CNBD1: variants seen among roughly 807,000 people sequenced by gnomAD.
CNBD1 encodes cyclic nucleotide-binding domain-containing protein 1.
CNBD1 carries 71 observed loss-of-function variants against 54.4 expected under a neutral mutation model. The ratio of observed to expected loss-of-function variants is 1.30; its 90% confidence interval spans 1.08 to 1.59. The LOEUF (loss-of-function observed/expected upper bound fraction) is 1.59. Among genes scored for constraint, CNBD1 ranks in the 40% most tolerant of loss-of-function variants. CNBD1 has a pLI of 0.00. For synonymous variants in CNBD1, 182 were observed against 170.7 expected, an observed-to-expected ratio of 1.07 and a Z score of -0.51; for missense variants, 659 against 518.0, an observed-to-expected ratio of 1.27 and a Z score of -2.64.
intron 4 of CNBD1, among the ~76,000 whole-genome samples, chr8:87,077,453 C>A (rs1456216754): frequency 1.4e-5 from 2 of 145,674 alleles, no homozygotes; most frequent in Non-Finnish European, 3.0e-5. Flanking sequence ...GTTCAATGTG[C>A]ACAATGTGCA....
chr8:87,325,374 C>G lies in CNBD1; in HGVS notation c.1043-26311C>G, dbSNP rs1427578601. Among the ~76,000 whole-genome samples, 12 of 90,348 alleles carry G rather than the reference C, an allele frequency of 1.3e-4. 3 individuals are homozygous for G. The highest frequency in any genetic ancestry group is 4.5e-4 in the East Asian group (2 of 4,492). The allele number at this position is 90,348 out of a possible 152,430, so 59.3% of individuals were successfully genotyped here. A position where few individuals can be genotyped will look rare whatever the true frequency, so the allele number is the denominator to read the frequency against. ...GGGTATCCTTGTTGACTTTCTGTCT[C>G]GTTGATCTGTCTAATGTTGACAGTG... is the stretch of plus-strand genomic sequence containing the variant. On this transcript the variant is annotated intron_variant, in intron 8 of 10. Transcript: ENST00000518476.
intron 8 of CNBD1, among the ~76,000 whole-genome samples, chr8:87,347,772 C>T (rs909246737): frequency 3.3e-5 from 5 of 151,934 alleles, no homozygotes; most frequent in Non-Finnish European, 7.4e-5. Flanking sequence ...TCTTACATTG[C>T]CTGCTGAGAA....
At chr8:87,385,586 GC>G (rs1811166325), downstream of CNBD1, among the ~76,000 whole-genome samples, 1 of 152,100 alleles carries the variant, frequency 6.6e-6, no homozygotes, top group Non-Finnish European at 1.5e-5. Flanking sequence ...GCCCACCGTT[GC>G]CGAGGCTTGA....
At chr8:87,227,253 A>G (rs1433038437) in intron 5 of CNBD1, among the ~76,000 whole-genome samples, 1 of 149,338 alleles carries the variant, frequency 6.7e-6, no homozygotes, top group Non-Finnish European at 1.5e-5. Context: ...TAAAGTTAAT[A>G]GTGTTATGTG....
At chr8:87,194,475 T>G (rs1389272700) in intron 4 of CNBD1, among the ~76,000 whole-genome samples, 1 of 152,208 alleles carries the variant, frequency 6.6e-6, no homozygotes, top group African/African-American at 2.4e-5. Context: ...TTCTTAATTA[T>G]GTAACCAAAT....
At chr8:87,259,348 A>G (rs571801588) in intron 6 of CNBD1, among the ~76,000 whole-genome samples, 1 of 152,320 alleles carries the variant, frequency 6.6e-6, no homozygotes, top group East Asian at 1.9e-4. Context: ...TTTAGAATTT[A>G]ATGTCTCCAA....
intron 10 of CNBD1, 180 bp downstream of exon 10, chr8:87,353,966 G>T (rs1810363164): frequency 4.3e-6 from 2 of 470,068 alleles, no homozygotes; most frequent in Non-Finnish European, 3.8e-6. Context: ...TTTGAAAAGG[G>T]CACATGTTTG....
At chr8:87,137,136 TTA>T (rs1191939890) in intron 4 of CNBD1, among the ~76,000 whole-genome samples, 1 of 135,724 alleles carries the variant, frequency 7.4e-6, no homozygotes. Context: ...TATATATAAA[TTA>T]TATATATATT....
At chr8:86,919,029 T>A (rs919262386) in intron 3 of CNBD1, among the ~76,000 whole-genome samples, 66 of 151,780 alleles carry the variant, frequency 4.3e-4, no homozygotes, top group African/African-American at 1.5e-3. Flanking sequence ...GCTTTTTTTT[T>A]TAAAAAAAAA....
downstream of CNBD1, among the ~76,000 whole-genome samples, chr8:87,386,426 G>A (rs1811191004): frequency 1.3e-5 from 2 of 152,194 alleles, no homozygotes; most frequent in Admixed American, 1.3e-4. Context: ...TAAAGGACCT[G>A]ATGGAGCTGA....
chr8:87,410,034 G>C (rs953508925), intron 2 of CNBD1, among the ~76,000 whole-genome samples: 1 of 151,388 alleles, frequency 6.6e-6, no homozygotes, highest in Admixed American at 6.6e-5. Flanking sequence ...AAAAAAAAAA[G>C]AATTAAGTTA....
At chr8:87,191,613 G>C (rs1240136943) in intron 4 of CNBD1, among the ~76,000 whole-genome samples, 1 of 152,136 alleles carries the variant, frequency 6.6e-6, no homozygotes, top group African/African-American at 2.4e-5. Context: ...GCATTTTAAG[G>C]ATCCAGTTTA....
chr8:87,042,216 C>T (rs1586217401), intron 4 of CNBD1, among the ~76,000 whole-genome samples: 1 of 152,148 alleles, frequency 6.6e-6, no homozygotes, highest in African/African-American at 2.4e-5. Context: ...GTCTTAGATA[C>T]TAACTTTGAA....
At chr8:87,348,569 T>A (rs918756460) in intron 8 of CNBD1, among the ~76,000 whole-genome samples, 1 of 152,200 alleles carries the variant, frequency 6.6e-6, no homozygotes, top group Non-Finnish European at 1.5e-5. Flanking sequence ...ATTCAGCTAA[T>A]GGATGTCGTG....
intron 2 of CNBD1, among the ~76,000 whole-genome samples, chr8:87,423,178 G>C (rs1410912667): frequency 3.3e-5 from 5 of 152,172 alleles, no homozygotes; most frequent in Admixed American, 1.3e-4. Context: ...ATTTTGGGCT[G>C]AGACGATGGG....
intron 4 of CNBD1, among the ~76,000 whole-genome samples, chr8:87,187,298 T>C (rs1813500960): frequency 6.6e-6 from 1 of 152,038 alleles, no homozygotes; most frequent in South Asian, 2.1e-4. Flanking sequence ...ATCCATCTGA[T>C]CCATGTGATT....
At chr8:87,039,564 T>G (rs1037763645) in intron 4 of CNBD1, among the ~76,000 whole-genome samples, 2 of 152,134 alleles carry the variant, frequency 1.3e-5, no homozygotes, top group Non-Finnish European at 2.9e-5. Flanking sequence ...TTAAAAAAAA[T>G]GTATGTGTAG....
intron 5 of CNBD1, among the ~76,000 whole-genome samples, chr8:87,227,109 C>T (rs1414848937): frequency 6.6e-6 from 1 of 152,052 alleles, no homozygotes; most frequent in East Asian, 1.9e-4. Context: ...CTTCCTCCAT[C>T]CTTTTATTTT....
At chr8:87,125,693 A>G (rs1811977284) in intron 4 of CNBD1, among the ~76,000 whole-genome samples, 1 of 151,886 alleles carries the variant, frequency 6.6e-6, no homozygotes, top group Non-Finnish European at 1.5e-5. Flanking sequence ...ATAACCAAAC[A>G]ATAGGCTGTT....
Sources: allele counts gnomAD v4.1 joint callset (sites outside exome capture counted in the v4.1 genomes callset), GRCh38; gene constraint gnomAD v4.1.1; transcripts MANE v1.5; gene names NCBI Gene and HGNC (gene_info 2026-07-23, HGNC 2026-07-21).